The following ZNF532 variants were observed in gnomAD, a reference collection of about 807,000 sequenced individuals.
The protein encoded by ZNF532 is zinc finger protein 532.
ZNF532 carries 22 observed loss-of-function variants against 89.3 expected under a neutral mutation model. The observed-to-expected ratio is 0.25, with a 90% CI of 0.18 to 0.35. The LOEUF is 0.35. ZNF532 is among the 10% of genes least tolerant of loss of function. ZNF532 has a pLI of 1.00. For synonymous variants in ZNF532, 606 were observed against 649.6 expected (o/e 0.93, Z 1.02); for missense variants, 1,132 against 1,643.4 (o/e 0.69, Z 5.38).
chr18:58,938,266 T>C (rs1439988142), intron 4 of ZNF532, among the ~76,000 whole-genome samples: 3 of 152,144 alleles, frequency 2.0e-5, no homozygotes, highest in East Asian at 1.9e-4. Flanking sequence ...CTGGAGACTT[T>C]TGTACCTGCA....
intron 2 of ZNF532, among the ~76,000 whole-genome samples, chr18:58,905,593 T>A (rs2059887182): frequency 6.6e-6 from 1 of 152,020 alleles, no homozygotes; most frequent in Admixed American, 6.6e-5. Flanking sequence ...AGAGATGGAG[T>A]TTTGCCATGT....
intron 2 of ZNF532, among the ~76,000 whole-genome samples, chr18:58,897,009 G>C (rs1469829067): frequency 6.6e-6 from 1 of 152,142 alleles, no homozygotes; most frequent in African/African-American, 2.4e-5. Context: ...TTTGTTCTGG[G>C]GTCTAGTCTT....
At position 58,919,481 on chromosome 18, in the gene ZNF532, C is replaced by T. The variant is rs765317268; in HGVS notation, c.1194C>T (p.Ser398=). Residue 398 remains serine, a synonymous_variant, in exon 3 of 10, where the codon TCC becomes TCT. Coordinates refer to ENST00000591808, the MANE Select transcript of ZNF532 (RefSeq NM_001375912.1). The surrounding 1 kb of genome is among the most constrained non-coding windows in gnomAD (Gnocchi z 6.1). Reference sequence around the variant, plus strand: ...AGAAACCTTCCGAGCAGACAGCGTCCGTGATGGCCTCTGTGACATCCCTTC... The same window carrying T: ...AGAAACCTTCCGAGCAGACAGCGTCTGTGATGGCCTCTGTGACATCCCTTC... ...SGKKPSEQTA[S]VMASVTSLLS... 29 of 1,614,092 alleles carry T rather than the reference C, an allele frequency of 1.8e-5. No homozygotes were observed. Among genetic ancestry groups the T allele is most frequent in the Admixed American group, 8.3e-5 (5 of 60,014 alleles).
At chr18:58,957,831 A>G (rs8086543) in intron 7 of ZNF532, among the ~76,000 whole-genome samples, 8 of 152,206 alleles carry the variant, frequency 5.3e-5, no homozygotes, top group African/African-American at 1.9e-4. Flanking sequence ...TGGGAGGCCA[A>G]TGCAGGTGGA....
chr18:58,895,962 C>G (rs2059221574), intron 2 of ZNF532, among the ~76,000 whole-genome samples: 1 of 151,918 alleles, frequency 6.6e-6, no homozygotes, highest in Non-Finnish European at 1.5e-5. Flanking sequence ...AACGGTCCTC[C>G]TACCTTAGCC....
chr18:58,905,763 G>A (rs1315354585), intron 2 of ZNF532, among the ~76,000 whole-genome samples: 1 of 152,160 alleles, frequency 6.6e-6, no homozygotes, highest in African/African-American at 2.4e-5. Flanking sequence ...TGCCTTATTT[G>A]GATTTCCTTA....
At chr18:58,887,695 G>T (rs180726703) in intron 2 of ZNF532, among the ~76,000 whole-genome samples, 2 of 152,114 alleles carry the variant, frequency 1.3e-5, no homozygotes, top group African/African-American at 4.8e-5. Flanking sequence ...GAACCCCCAC[G>T]CTCACAGGAG....
At chr18:58,954,426 C>T in intron 7 of ZNF532, 4 of 229,788 alleles carry the variant, frequency 1.7e-5, no homozygotes, top group Non-Finnish European at 2.9e-5. Flanking sequence ...TTATCTAATA[C>T]TGTATTAAAT....
At chr18:58,891,376 A>G (rs2058891033) in intron 2 of ZNF532, among the ~76,000 whole-genome samples, 1 of 152,186 alleles carries the variant, frequency 6.6e-6, no homozygotes, top group South Asian at 2.1e-4. Flanking sequence ...CTAAAAATAC[A>G]AAAATTAGCT....
chr18:58,885,611 T>A (rs1230507939), intron 2 of ZNF532, among the ~76,000 whole-genome samples: 1 of 152,182 alleles, frequency 6.6e-6, no homozygotes, highest in East Asian at 1.9e-4. Context: ...TCCCAGCATT[T>A]TGGGAGGCCG....
At chr18:58,916,936 G>A (rs1018428371) in intron 2 of ZNF532, among the ~76,000 whole-genome samples, 5 of 152,174 alleles carry the variant, frequency 3.3e-5, no homozygotes, top group Non-Finnish European at 7.3e-5. Context: ...ACGTGTCAGG[G>A]ACCACTAAAG....
intron 4 of ZNF532, among the ~76,000 whole-genome samples, chr18:58,937,935 A>G (rs2062615141): frequency 6.6e-6 from 1 of 152,186 alleles, no homozygotes; most frequent in Non-Finnish European, 1.5e-5. Flanking sequence ...TTTATTCTCT[A>G]TTGTTATTTA....
At chr18:58,956,457 T>C (rs1482594623) in intron 7 of ZNF532, among the ~76,000 whole-genome samples, 2 of 152,140 alleles carry the variant, frequency 1.3e-5, no homozygotes, top group African/African-American at 4.8e-5. Context: ...GTGTTGAGTG[T>C]GAGAGTTCCA....
chr18:58,971,244 G>A (rs1291257812), intron 7 of ZNF532, among the ~76,000 whole-genome samples: 2 of 152,128 alleles, frequency 1.3e-5, no homozygotes, highest in African/African-American at 4.8e-5. Flanking sequence ...CAGTGATAGT[G>A]CTGGTTCTCA....
At chr18:58,872,955 C>T (rs1049489981) in intron 2 of ZNF532, among the ~76,000 whole-genome samples, 12 of 152,162 alleles carry the variant, frequency 7.9e-5, no homozygotes, top group Non-Finnish European at 2.9e-5. Context: ...ACCTTGGCCT[C>T]CCAAAGTGTT....
At chr18:58,958,296 T>C (rs2065005215) in intron 7 of ZNF532, among the ~76,000 whole-genome samples, 1 of 152,220 alleles carries the variant, frequency 6.6e-6, no homozygotes, top group Non-Finnish European at 1.5e-5. Flanking sequence ...TCTTAAAACC[T>C]ACAATTTGCT....
At chr18:58,957,669 C>G (rs1181521471) in intron 7 of ZNF532, among the ~76,000 whole-genome samples, 1 of 152,060 alleles carries the variant, frequency 6.6e-6, no homozygotes, top group Non-Finnish European at 1.5e-5. Context: ...TTTGACCTTT[C>G]TTCCCCTTCT....
intron 2 of ZNF532, among the ~76,000 whole-genome samples, chr18:58,913,097 G>A (rs1603019114): frequency 6.6e-6 from 1 of 152,124 alleles, no homozygotes; most frequent in Non-Finnish European, 1.5e-5. Context: ...GGATAAAAGC[G>A]GCAGAAGATC....
intron 5 of ZNF532, among the ~76,000 whole-genome samples, chr18:58,945,374 G>A (rs1603265172): frequency 6.6e-6 from 1 of 152,200 alleles, no homozygotes; most frequent in Non-Finnish European, 1.5e-5. Context: ...TAGTGGTGAT[G>A]CCACCCTTCA....
Sources: allele counts gnomAD v4.1 joint callset (sites outside exome capture counted in the v4.1 genomes callset), GRCh38; gene constraint gnomAD v4.1.1; non-coding constraint Gnocchi (gnomAD v3.1); transcripts MANE v1.5; gene names NCBI Gene and HGNC (gene_info 2026-07-23, HGNC 2026-07-21).